PDE3B: variants seen among roughly 807,000 people sequenced by gnomAD.
The protein encoded by PDE3B is phosphodiesterase 3B.
Under a neutral mutation model 116.8 loss-of-function variants are expected in PDE3B, and 66 were observed. The observed-to-expected ratio is 0.56, with a 90% CI of 0.46 to 0.69. The LOEUF is 0.69. Ranked by LOEUF, PDE3B falls within the 30% of genes least tolerant of loss-of-function variation. The pLI is 0.00. For synonymous variants in PDE3B, 595 were observed against 533.6 expected (o/e 1.12, Z -1.59); for missense variants, 1,384 against 1,368.1 (o/e 1.01, Z -0.18).
the PDE3B span, chr11:14,880,099 TA>T: frequency 1.9e-6 from 3 of 1,609,568 alleles, no homozygotes; most frequent in Non-Finnish European, 2.5e-6. Context: ...ACCCTACATG[TA>T]AGGATAGACC....
chr11:14,654,088 C>G (rs1050810495), intron 1 of PDE3B, among the ~76,000 whole-genome samples: 1 of 151,680 alleles, frequency 6.6e-6, no homozygotes, highest in African/African-American at 2.4e-5. Flanking sequence ...ATAACTTGGA[C>G]TTAATTGAAG....
At chr11:14,775,541 T>C (rs910782284) in intron 2 of PDE3B, 3 of 152,192 alleles carry the variant, frequency 2.0e-5, no homozygotes, top group Non-Finnish European at 2.9e-5. Context: ...TATATATAAT[T>C]TTTTTCTTTT....
At chr11:14,867,869 A>T in intron 15 of PDE3B, 111 bp downstream of exon 15, 3 of 810,064 alleles carry the variant, frequency 3.7e-6, no homozygotes, top group Non-Finnish European at 5.7e-6. Flanking sequence ...GAGTGCCAGC[A>T]TGGTGCTCAA....
chr11:14,652,479 A>G (rs1011647482), intron 1 of PDE3B, among the ~76,000 whole-genome samples: 3 of 152,176 alleles, frequency 2.0e-5, no homozygotes, highest in East Asian at 3.8e-4. Flanking sequence ...TGAGATTCCA[A>G]TATGAATTTT....
At position 14,687,346 on chromosome 11, in the gene PDE3B, A is replaced by G. The variant is rs544235466; in HGVS notation, c.978+42293A>G. ...TGGTAAATTTATAATGTTATATTGA[A>G]TTGATTTGAATTATTTGAATCTTAA... On this transcript the variant is annotated intron_variant, in intron 1 of 15. Transcript: ENST00000282096. Among the ~76,000 whole-genome samples, 129 of 152,274 alleles carry G rather than the reference A, an allele frequency of 8.5e-4. 1 individual carries two copies. The highest frequency in any genetic ancestry group is 3.4e-3 in the Middle Eastern group (1 of 294).
chr11:14,662,795 A>G (rs566012463), intron 1 of PDE3B, among the ~76,000 whole-genome samples: 1 of 152,356 alleles, frequency 6.6e-6, no homozygotes, highest in African/African-American at 2.4e-5. Flanking sequence ...CCTCCAAGAA[A>G]TATGGGACTA....
the PDE3B span, chr11:14,892,399 G>C: frequency 3.2e-6 from 2 of 620,226 alleles, no homozygotes; most frequent in Non-Finnish European, 5.7e-6. Flanking sequence ...TGGACTTTGC[G>C]GAGCGGGTGG....
At chr11:14,693,747 A>G (rs1346741630) in intron 1 of PDE3B, among the ~76,000 whole-genome samples, 2 of 152,190 alleles carry the variant, frequency 1.3e-5, no homozygotes, top group Non-Finnish European at 2.9e-5. Flanking sequence ...AAGGAGATAA[A>G]TGTTGTTTTC....
chr11:14,723,423 A>C (rs1393802154), intron 1 of PDE3B, among the ~76,000 whole-genome samples: 2 of 152,298 alleles, frequency 1.3e-5, no homozygotes, highest in East Asian at 3.9e-4. Flanking sequence ...GACTGAGGTC[A>C]GTACTATGAA....
chr11:14,812,680 T>C (rs1859182678), intron 5 of PDE3B, among the ~76,000 whole-genome samples: 1 of 152,224 alleles, frequency 6.6e-6, no homozygotes, highest in Non-Finnish European at 1.5e-5. Flanking sequence ...AACCTGTAGT[T>C]AAAAACCTTC....
At chr11:14,773,021 G>A (rs1401133663) in intron 2 of PDE3B, 1 of 151,954 alleles carries the variant, frequency 6.6e-6, no homozygotes, top group Non-Finnish European at 1.5e-5. Flanking sequence ...GAAGTGGTAT[G>A]AGTAGGCAGC....
At chr11:14,778,826 C>T (rs752844490) in intron 2 of PDE3B, among the ~76,000 whole-genome samples, 5 of 152,106 alleles carry the variant, frequency 3.3e-5, no homozygotes, top group Non-Finnish European at 7.4e-5. Context: ...ATGACTTTGA[C>T]GAGTTGAGAG....
chr11:14,858,183 T>C lies in PDE3B; in HGVS notation c.2521-860T>C, dbSNP rs1038775354. 5.9e-5 allele frequency among the ~76,000 whole-genome samples: 9 copies of C among 152,348 alleles called. No homozygotes were observed. In the South Asian group the frequency reaches 1.9e-3, roughly 32 times the overall value. On this transcript the variant is annotated intron_variant, in intron 12 of 15. Coordinates refer to ENST00000282096, the MANE Select transcript of PDE3B (RefSeq NM_000922.4). The stretch of plus-strand genomic sequence containing the variant: ...TCCTACCTGAGATCTCATTCCGTCC[T>C]TCTTTCTCATTACACAGTAGGCTCC...
chr11:14,737,182 AC>A (rs1263672913), intron 1 of PDE3B, among the ~76,000 whole-genome samples: 2 of 146,920 alleles, frequency 1.4e-5, no homozygotes, highest in African/African-American at 5.1e-5. Context: ...CTAGAGAGAG[AC>A]CAACAGGCTG....
At chr11:14,666,269 T>C (rs1382299516) in intron 1 of PDE3B, among the ~76,000 whole-genome samples, 13 of 148,052 alleles carry the variant, frequency 8.8e-5, no homozygotes, top group Non-Finnish European at 1.8e-4. Flanking sequence ...TTACACCTTA[T>C]ACAAAAATTA....
At chr11:14,680,161 A>G (rs1030975362) in intron 1 of PDE3B, among the ~76,000 whole-genome samples, 1 of 152,138 alleles carries the variant, frequency 6.6e-6, no homozygotes, top group African/African-American at 2.4e-5. Flanking sequence ...TTGGACCTCA[A>G]CCTCTCTGAA....
At chr11:14,780,029 A>G (rs937372705) in intron 2 of PDE3B, among the ~76,000 whole-genome samples, 27 of 152,070 alleles carry the variant, frequency 1.8e-4, no homozygotes, top group Admixed American at 3.3e-4. Flanking sequence ...CTAGTCTCTG[A>G]TAAAACAGAC....
intron 10 of PDE3B, among the ~76,000 whole-genome samples, chr11:14,833,208 C>G (rs1034905197): frequency 6.6e-6 from 1 of 152,146 alleles, no homozygotes; most frequent in Non-Finnish European, 1.5e-5. Context: ...CTGCCTTGGC[C>G]TCCCAAAGTG....
intron 1 of PDE3B, among the ~76,000 whole-genome samples, chr11:14,757,255 A>G (rs1182303251): frequency 1.3e-5 from 2 of 150,920 alleles, no homozygotes; most frequent in East Asian, 2.0e-4. Flanking sequence ...TAATGCCGCA[A>G]TAAACATACG....
Sources: allele counts gnomAD v4.1 joint callset (sites outside exome capture counted in the v4.1 genomes callset), GRCh38; gene constraint gnomAD v4.1.1; transcripts MANE v1.5; gene names NCBI Gene and HGNC (gene_info 2026-07-23, HGNC 2026-07-21).